PLEKHG1: variants seen among roughly 807,000 people sequenced by gnomAD.
PLEKHG1 encodes pleckstrin homology and RhoGEF domain containing G1.
A neutral mutation model predicts 100.8 loss-of-function variants in PLEKHG1; 44 were observed. The observed-to-expected ratio is 0.44, with a 90% CI of 0.34 to 0.56. The LOEUF is 0.56. Among genes scored for constraint, PLEKHG1 ranks in the 20% least tolerant of loss-of-function variants. PLEKHG1 has a pLI of 0.01. For missense variants in PLEKHG1, 1,545 were observed against 1,720.9 expected, an observed-to-expected ratio of 0.90 and a Z score of 1.81; for synonymous variants, 640 against 662.5, an observed-to-expected ratio of 0.97 and a Z score of 0.52.
At chr6:150,813,274 C>T (rs1292103541) in intron 10 of PLEKHG1, among the ~76,000 whole-genome samples, 1 of 143,108 alleles carries the variant, frequency 7.0e-6, no homozygotes, top group East Asian at 2.1e-4. Flanking sequence ...CACTGCACTA[C>T]GGCCTGGGCG....
chr6:150,756,690 T>C (rs1224947324), intron 2 of PLEKHG1, among the ~76,000 whole-genome samples: 1 of 152,206 alleles, frequency 6.6e-6, no homozygotes, highest in Admixed American at 6.5e-5. Context: ...CAGTTAATAT[T>C]GTCCAGGTAA....
intron 1 of PLEKHG1, among the ~76,000 whole-genome samples, chr6:150,622,061 G>T (rs900520449): frequency 2.6e-5 from 4 of 152,160 alleles, no homozygotes; most frequent in African/African-American, 9.7e-5. Flanking sequence ...TCCTCCGAGA[G>T]CTCTGTCCAC....
chr6:150,606,396 G>A (rs966501669), intron 1 of PLEKHG1, among the ~76,000 whole-genome samples: 1 of 152,156 alleles, frequency 6.6e-6, no homozygotes, highest in East Asian at 1.9e-4. Flanking sequence ...CACGAGCTGA[G>A]GTCCCTCTGA....
At chr6:150,821,676 C>T (rs756557729) in intron 13 of PLEKHG1, among the ~76,000 whole-genome samples, 2 of 150,828 alleles carry the variant, frequency 1.3e-5, no homozygotes, top group Non-Finnish European at 3.0e-5. Flanking sequence ...AGAGTGAGAC[C>T]GTGTCACAAA....
chr6:150,760,635 C>CTTTTTT (rs34394040), intron 2 of PLEKHG1, among the ~76,000 whole-genome samples: 1 of 115,828 alleles, frequency 8.6e-6, no homozygotes, highest in Non-Finnish European at 1.8e-5. Context: ...AAATGCTTTG[C>CTTTTTT]TTTTTTTTTT....
At chr6:150,681,619 T>G (rs1779936122) in intron 3 of PLEKHG1, among the ~76,000 whole-genome samples, 1 of 152,160 alleles carries the variant, frequency 6.6e-6, no homozygotes. Context: ...TATACACAGA[T>G]GATTCCACAT....
intron 2 of PLEKHG1, among the ~76,000 whole-genome samples, chr6:150,760,263 C>A (rs1784081459): frequency 6.6e-6 from 1 of 152,194 alleles, no homozygotes; most frequent in Non-Finnish European, 1.5e-5. Flanking sequence ...CAGCCATTCC[C>A]ATTTTCCACT....
intron 2 of PLEKHG1, among the ~76,000 whole-genome samples, chr6:150,766,157 GT>G (rs2128638086): frequency 6.6e-6 from 1 of 152,216 alleles, no homozygotes; most frequent in South Asian, 2.1e-4. Context: ...CCTTTTTTGT[GT>G]GTACTCTCTG....
At chr6:150,684,180 A>G (rs1431269523) in intron 3 of PLEKHG1, among the ~76,000 whole-genome samples, 2 of 152,212 alleles carry the variant, frequency 1.3e-5, no homozygotes, top group African/African-American at 4.8e-5. Flanking sequence ...CAAATGTGGA[A>G]AGCGTTAGAA....
intron 3 of PLEKHG1, among the ~76,000 whole-genome samples, chr6:150,659,703 G>C (rs1396612555): frequency 3.3e-5 from 5 of 152,064 alleles, no homozygotes; most frequent in Admixed American, 3.3e-4. Context: ...ACCTGCCCCT[G>C]CCTCCAAGTT....
intron 10 of PLEKHG1, 149 bp downstream of exon 11, chr6:150,809,883 G>C: frequency 4.3e-5 from 16 of 375,508 alleles, no homozygotes; most frequent in Middle Eastern, 5.0e-4. Flanking sequence ...AAAACAAAGA[G>C]ACTGGGTCAA....
intron 3 of PLEKHG1, among the ~76,000 whole-genome samples, chr6:150,673,464 G>A (rs1022817228): frequency 3.9e-5 from 6 of 152,076 alleles, no homozygotes; most frequent in South Asian, 2.1e-4. Flanking sequence ...GCTTGCTTTC[G>A]AATCCTTAAA....
At chr6:150,700,585 C>T (rs1251703214) in intron 3 of PLEKHG1, among the ~76,000 whole-genome samples, 3 of 152,292 alleles carry the variant, frequency 2.0e-5, no homozygotes, top group Middle Eastern at 3.4e-3. Context: ...CCCCAAGTCA[C>T]ATATTCGAGA....
At chr6:150,783,065 G>A (rs184209294) in intron 3 of PLEKHG1, among the ~76,000 whole-genome samples, 8 of 142,042 alleles carry the variant, frequency 5.6e-5, no homozygotes, top group Non-Finnish European at 1.5e-5. Context: ...AAAAGCATAA[G>A]CAAGAAACAT....
intron 6 of PLEKHG1, 21 bp from the exon 8 acceptor site, chr6:150,804,589 C>G: frequency 2.1e-6 from 3 of 1,428,968 alleles, no homozygotes; most frequent in Non-Finnish European, 2.8e-6. Flanking sequence ...AAAAAAAAAC[C>G]CTCGTTCTTT....
In PLEKHG1 at chr6:150,769,972, T is replaced by A. The variant is rs545382245; in HGVS notation, c.512+1234T>A. On this transcript the variant is annotated intron_variant, in intron 3 of 15. Coordinates refer to ENST00000358517, the Ensembl canonical transcript of PLEKHG1. ...GGAGTCTGTTTTGTTATTGTCTATA[T>A]GTCTAAAATGGTGTCAGGCCCATAG... is the stretch of plus-strand genomic sequence containing the variant. 2.1e-3 allele frequency among the ~76,000 whole-genome samples: 320 copies of A among 152,300 alleles called. 1 individual carries two copies. Among genetic ancestry groups the A allele is most frequent in the Non-Finnish European group, 3.8e-3 (256 of 68,032 alleles).
chr6:150,692,261 A>C (rs1170973626), intron 3 of PLEKHG1, among the ~76,000 whole-genome samples: 1 of 152,238 alleles, frequency 6.6e-6, no homozygotes, highest in Non-Finnish European at 1.5e-5. Context: ...GGCAATGACT[A>C]TAATGCTTTA....
intron 3 of PLEKHG1, among the ~76,000 whole-genome samples, chr6:150,684,536 A>C (rs1219361356): frequency 4.6e-5 from 7 of 152,092 alleles, no homozygotes; most frequent in Non-Finnish European, 1.0e-4. Context: ...CAGTGTCTGA[A>C]TTTGGGCAGT....
rs1562427910 is a variant in PLEKHG1, at chr6:150,674,684, C to CTCTCTCTCTCT, written c.-99+23898_-99+23899insTCTCTCTCTCT. Among the ~76,000 whole-genome samples the CTCTCTCTCTCT allele has an allele frequency of 4.9e-4, 36 of 73,372 alleles. 3 individuals are homozygous for CTCTCTCTCTCT. The highest frequency in any genetic ancestry group is 9.8e-4 in the South Asian group (2 of 2,050). 48.1% of individuals were successfully genotyped at this position (73,372 alleles called of 152,430 possible). A position where few individuals can be genotyped will look rare whatever the true frequency, so the allele number is the denominator to read the frequency against. On this transcript the variant is annotated intron_variant, in intron 3 of 3. Coordinates refer to the PLEKHG1 transcript ENST00000367326. ...CTCTCTCTCTCTCTCTCTCTCTCTC[C>CTCTCTCTCTCT]CCCCTCTTCTCTTCTTTCCATGGAG...
Sources: gnomAD v4.1 joint callset for allele counts (sites outside exome capture counted in the v4.1 genomes callset) on GRCh38, gnomAD v4.1.1 for gene constraint, MANE v1.5 for transcripts, NCBI Gene and HGNC (gene_info 2026-07-23, HGNC 2026-07-21) for gene names.